BIRC6: variants seen among roughly 807,000 people sequenced by gnomAD.
BIRC6 encodes baculoviral IAP repeat containing 6, also known as dual E2 ubiquitin-conjugating enzyme/E3 ubiquitin-protein ligase BIRC6.
Under a neutral mutation model 503.3 loss-of-function variants are expected in BIRC6, and 98 were observed. That is an observed-to-expected ratio of 0.19 (90% CI 0.17 to 0.23). The LOEUF is 0.23. BIRC6 is among the 10% of genes least tolerant of loss of function. The probability of loss-of-function intolerance (pLI) is 1.00; values close to 1 mark genes in which losing one functional copy is unlikely to be tolerated. For missense variants in BIRC6, 5,360 were observed against 5,806.0 expected (o/e 0.92, Z 2.50); for synonymous variants, 2,240 against 2,078.7 (o/e 1.08, Z -2.11).
intron 1 of BIRC6, among the ~76,000 whole-genome samples, chr2:32,376,540 A>G (rs565537857): frequency 2.6e-5 from 4 of 152,342 alleles, no homozygotes; most frequent in Admixed American, 2.6e-4. Context: ...TAATATCTAC[A>G]TATATTTTAT....
intron 10 of BIRC6, among the ~76,000 whole-genome samples, chr2:32,420,908 A>T (rs2042868190): frequency 7.0e-6 from 1 of 142,554 alleles, no homozygotes; most frequent in African/African-American, 2.6e-5. Flanking sequence ...TTCCTGCTTC[A>T]TCTGTCTAGA....
chr2:32,532,362 G>C (rs2056854040), intron 61 of BIRC6: 1 of 417,732 alleles, frequency 2.4e-6, no homozygotes. Flanking sequence ...CTCCTTCCTT[G>C]CTTCTTCCTG....
intron 33 of BIRC6, among the ~76,000 whole-genome samples, chr2:32,474,436 T>G (rs1225743784): frequency 6.6e-6 from 1 of 152,226 alleles, no homozygotes; most frequent in Non-Finnish European, 1.5e-5. Context: ...AATATTTGTC[T>G]GTAAAATATC....
rs2050048295 is a variant in BIRC6, at chr2:32,478,745, T to G, written c.7179T>G (p.Asn2393Lys). The stretch of plus-strand genomic sequence containing the variant: ...TACTTTTGGTTGGAACTGACTTCAA[T>G]AGAGGAGATATATCTTGGGGTGGTG... ...LLLLLVGTDF[N>K]RGDISWGGAW... The change falls in exon 36 of 74, where the codon AAT (asparagine) becomes AAG (lysine). Residue 2393 changes from asparagine (N) to lysine (K), a missense_variant. Transcript: ENST00000421745. 6.2e-7 allele frequency: 1 copy of G among 1,613,918 alleles called. No individual in the cohort carries two copies. Among genetic ancestry groups the G allele is most frequent in the Non-Finnish European group, 8.5e-7 (1 of 1,179,844 alleles).
chr2:32,545,092 T>C (rs2150314116), intron 62 of BIRC6, among the ~76,000 whole-genome samples: 1 of 152,126 alleles, frequency 6.6e-6, no homozygotes, highest in East Asian at 1.9e-4. Flanking sequence ...CTATTTTTAG[T>C]GCATATACAA....
chr2:32,374,144 A>G (rs999787023), intron 1 of BIRC6, among the ~76,000 whole-genome samples: 1 of 152,148 alleles, frequency 6.6e-6, no homozygotes, highest in Admixed American at 6.5e-5. Context: ...ATACCACTCA[A>G]CTGTACACTT....
intron 65 of BIRC6, among the ~76,000 whole-genome samples, chr2:32,569,185 C>T (rs904429769): frequency 5.9e-5 from 9 of 151,890 alleles, no homozygotes; most frequent in Admixed American, 2.0e-4. Context: ...GATGGGGTTT[C>T]GCCGTGTTGA....
At chr2:32,610,294 C>G (rs1168830725) in intron 72 of BIRC6, among the ~76,000 whole-genome samples, 4 of 152,118 alleles carry the variant, frequency 2.6e-5, no homozygotes, top group African/African-American at 9.7e-5. Context: ...TAATTGTTTT[C>G]TAATTTAAAT....
Position 32,470,627 on chromosome 2 carries a change from C to T in BIRC6, c.6481+326C>T, listed in dbSNP as rs189293807. ...CAATAATGAGTTTTGTTTGAACACA[C>T]TTTTTTATAGGAATAAAAACATTAG... On this transcript the variant is annotated intron_variant, in intron 31 of 73. Coordinates refer to ENST00000421745, the MANE Select transcript of BIRC6 (RefSeq NM_016252.4). Among the ~76,000 whole-genome samples the T allele has an allele frequency of 7.3e-3, 1,117 of 152,196 alleles. 7 individuals carry two copies. Among genetic ancestry groups the T allele is most frequent in the Middle Eastern group, 0.014 (4 of 294 alleles).
At chr2:32,377,519 G>T in intron 1 of BIRC6, 69 bp from the exon 2 acceptor site, 3 of 1,288,698 alleles carry the variant, frequency 2.3e-6, no homozygotes, top group Non-Finnish European at 3.2e-6. Context: ...TAGTCACTAT[G>T]TAAACATTTA....
chr2:32,518,415 A>C lies in BIRC6; in HGVS notation c.11493+18A>C. The C allele has an allele frequency of 6.3e-7, 1 of 1,596,838 alleles. No homozygotes were observed. Among genetic ancestry groups the C allele is most frequent in the Non-Finnish European group, 8.5e-7 (1 of 1,175,954 alleles). On this transcript the variant is annotated intron_variant, in intron 56 of 73. Coordinates refer to ENST00000421745, the MANE Select transcript of BIRC6 (RefSeq NM_016252.4). ...CATGTCCAGTGAGTATTTAACACTTAATCATTGGCTGTGTATACATGTATT... is the reference window on the plus strand; with the variant it reads ...CATGTCCAGTGAGTATTTAACACTTCATCATTGGCTGTGTATACATGTATT...
At chr2:32,593,528 T>G (rs553276520) in intron 66 of BIRC6, among the ~76,000 whole-genome samples, 1 of 152,258 alleles carries the variant, frequency 6.6e-6, no homozygotes, top group African/African-American at 2.4e-5. Flanking sequence ...TTCTTGGAAA[T>G]TTAATTCTGA....
intron 1 of BIRC6, among the ~76,000 whole-genome samples, chr2:32,372,714 C>G (rs2036158349): frequency 6.6e-6 from 1 of 152,028 alleles, no homozygotes; most frequent in Non-Finnish European, 1.5e-5. Flanking sequence ...CCTGTAGTCC[C>G]AGCTACTTGG....
At chr2:32,491,631 C>CT in intron 44 of BIRC6, 73 bp downstream of exon 44, 1 of 1,452,570 alleles carries the variant, frequency 6.9e-7, no homozygotes, top group Non-Finnish European at 9.3e-7. Context: ...AGCTATGTAA[C>CT]TTTTTTATTG....
chr2:32,521,271 A>ACTTT (rs2055632026), intron 57 of BIRC6, among the ~76,000 whole-genome samples: 1 of 138,250 alleles, frequency 7.2e-6, no homozygotes, highest in Non-Finnish European at 1.5e-5. Flanking sequence ...TTGACAGTAT[A>ACTTT]CTTTCTTTTT....
chr2:32,557,083 A>G (rs947317665), intron 65 of BIRC6, among the ~76,000 whole-genome samples: 1 of 152,216 alleles, frequency 6.6e-6, no homozygotes, highest in Admixed American at 6.5e-5. Flanking sequence ...TTTCTTTTCT[A>G]TGTAGTCTTT....
intron 40 of BIRC6, among the ~76,000 whole-genome samples, chr2:32,486,918 C>T (rs1390648491): frequency 2.0e-5 from 3 of 151,886 alleles, no homozygotes; most frequent in Non-Finnish European, 2.9e-5. Flanking sequence ...AGAGATAACT[C>T]GGTACTGCCC....
rs2043838894 is a variant in BIRC6 at position 32,429,151 on chromosome 2, G to A, written c.2878G>A (p.Glu960Lys). 3 of 1,588,308 alleles carry A rather than the reference G, an allele frequency of 1.9e-6. No individual in the cohort carries two copies. Among genetic ancestry groups the A allele is most frequent in the Non-Finnish European group, 2.6e-6 (3 of 1,168,154 alleles). ...TGAAATTTACTACACTGTAGGTGGT[G>A]AGCTTCATTTTCTCCAAATTGGAGG... is the stretch of plus-strand genomic sequence containing the variant. ...DRLCACTKGG[E>K]LHFLQIGGTC... Residue 960 changes from glutamate to lysine, a missense_variant, in exon 11 of 74, where the codon GAG becomes AAG. Glu to Lys is a moderately conservative substitution (Grantham distance 56). Coordinates refer to ENST00000421745, the MANE Select transcript of BIRC6 (RefSeq NM_016252.4).
At chr2:32,403,732 T>C (rs2040857480) in intron 8 of BIRC6, among the ~76,000 whole-genome samples, 1 of 152,198 alleles carries the variant, frequency 6.6e-6, no homozygotes, top group African/African-American at 2.4e-5. Context: ...GCATGTTTAT[T>C]GCTTTGTAAA....
Sources: allele counts gnomAD v4.1 joint callset (sites outside exome capture counted in the v4.1 genomes callset), GRCh38; gene constraint gnomAD v4.1.1; transcripts MANE v1.5; gene names NCBI Gene and HGNC (gene_info 2026-07-23, HGNC 2026-07-21).